Variants in TOX observed in about 807,000 individuals in gnomAD.
TOX encodes the protein thymocyte selection-associated high mobility group box protein TOX.
In TOX, 11 loss-of-function variants were observed where a neutral mutation model predicts 53.7. The ratio of observed to expected loss-of-function variants is 0.20; its 90% CI spans 0.13 to 0.34. TOX has a LOEUF of 0.34. TOX is among the 10% of genes least tolerant of loss of function. The probability of loss-of-function intolerance (pLI) is 1.00; values close to 1 mark genes in which losing one functional copy is unlikely to be tolerated. For synonymous variants in TOX, 225 were observed against 245.3 expected, an observed-to-expected ratio of 0.92 and a Z score of 0.77; for missense variants, 570 against 664.6, an observed-to-expected ratio of 0.86 and a Z score of 1.56.
intron 6 of TOX, 84 bp from the exon 7 acceptor site, chr8:58,815,808 G>T: frequency 1.4e-6 from 2 of 1,453,200 alleles, no homozygotes; most frequent in Non-Finnish European, 1.8e-6. Context: ...GTTTATTAAA[G>T]CACCTTCCCT....
At chr8:59,086,130 T>C (rs1177129634) in intron 1 of TOX, among the ~76,000 whole-genome samples, 1 of 151,698 alleles carries the variant, frequency 6.6e-6, no homozygotes, top group Non-Finnish European at 1.5e-5. Context: ...GGACTACGGG[T>C]GTGCGCCACC....
At chr8:58,816,302 C>A (rs1159411351) in intron 6 of TOX, among the ~76,000 whole-genome samples, 1 of 152,184 alleles carries the variant, frequency 6.6e-6, no homozygotes, top group Non-Finnish European at 1.5e-5. Flanking sequence ...AACTGCAGAA[C>A]TTATCCTGAG....
At chr8:58,881,973 C>A (rs555658408) in intron 3 of TOX, among the ~76,000 whole-genome samples, 2 of 152,158 alleles carry the variant, frequency 1.3e-5, no homozygotes, top group Admixed American at 6.5e-5. Flanking sequence ...TTAGCCTTTG[C>A]GGTAACTTTA....
intron 1 of TOX, among the ~76,000 whole-genome samples, chr8:58,972,651 C>A: frequency 6.6e-6 from 1 of 152,060 alleles, no homozygotes; most frequent in East Asian, 1.9e-4. Context: ...AATTACATAA[C>A]CTAGCTAGAT....
intron 1 of TOX, among the ~76,000 whole-genome samples, chr8:58,999,355 A>G (rs1813646828): frequency 6.6e-6 from 1 of 152,190 alleles, no homozygotes; most frequent in South Asian, 2.1e-4. Flanking sequence ...TTAAAGCACT[A>G]TGACCTGAAA....
At chr8:59,084,314 A>T (rs1804470561) in intron 1 of TOX, among the ~76,000 whole-genome samples, 1 of 152,158 alleles carries the variant, frequency 6.6e-6, no homozygotes, top group African/African-American at 2.4e-5. Context: ...TTAAAAACAA[A>T]GATCCTCTAT....
At chr8:59,062,956 A>T (rs1804014172) in intron 1 of TOX, among the ~76,000 whole-genome samples, 1 of 152,222 alleles carries the variant, frequency 6.6e-6, no homozygotes, top group Non-Finnish European at 1.5e-5. Flanking sequence ...AGGAGGTAAA[A>T]CTGTAAGAAT....
At chr8:58,873,020 A>G (rs73249058) in intron 3 of TOX, among the ~76,000 whole-genome samples, 5,308 of 152,210 alleles carry the variant, frequency 0.035, 235 homozygotes, top group African/African-American at 0.1. Context: ...TCTCTAAAAT[A>G]AAAAACTTAT....
intron 3 of TOX, among the ~76,000 whole-genome samples, chr8:58,879,021 A>T (rs181868013): frequency 1.1e-3 from 171 of 150,144 alleles, no homozygotes; most frequent in Non-Finnish European, 1.0e-3. Flanking sequence ...AGATCATGCC[A>T]CTGCACTCCA....
At chr8:58,834,817 A>G (rs1810520530) in intron 5 of TOX, among the ~76,000 whole-genome samples, 1 of 152,128 alleles carries the variant, frequency 6.6e-6, no homozygotes, top group Admixed American at 6.5e-5. Context: ...TGTGTCCTAC[A>G]CCATACCTTT....
At chr8:59,080,739 C>G (rs528732243) in intron 1 of TOX, among the ~76,000 whole-genome samples, 4 of 152,214 alleles carry the variant, frequency 2.6e-5, no homozygotes, top group Admixed American at 1.3e-4. Flanking sequence ...CCCCCCGACC[C>G]TCTTGTTCCT....
chr8:58,974,000 G>C (rs541173110), intron 1 of TOX, among the ~76,000 whole-genome samples: 127 of 152,182 alleles, frequency 8.3e-4, no homozygotes, highest in African/African-American at 2.8e-3. Context: ...GTTTCACCAT[G>C]TTGACCAGGC....
intron 1 of TOX, among the ~76,000 whole-genome samples, chr8:58,996,890 G>C (rs1359298413): frequency 6.6e-6 from 1 of 152,162 alleles, no homozygotes; most frequent in African/African-American, 2.4e-5. Context: ...GTTATGCAAT[G>C]GTTGCCAAGA....
chr8:58,911,408 ATT>A (rs1382349908), intron 3 of TOX, among the ~76,000 whole-genome samples: 1 of 152,148 alleles, frequency 6.6e-6, no homozygotes, highest in Non-Finnish European at 1.5e-5. Flanking sequence ...ATTCCATACT[ATT>A]TCTTATTGTT....
At chr8:58,944,991 C>T (rs1240011079) in intron 2 of TOX, among the ~76,000 whole-genome samples, 2 of 152,292 alleles carry the variant, frequency 1.3e-5, no homozygotes, top group African/African-American at 4.8e-5. Flanking sequence ...CACCTTTATT[C>T]TAACGGAATT....
At chr8:58,852,479 G>T (rs1456740582) in intron 3 of TOX, among the ~76,000 whole-genome samples, 1 of 152,188 alleles carries the variant, frequency 6.6e-6, no homozygotes, top group Non-Finnish European at 1.5e-5. Context: ...AATCCATTAT[G>T]CTATCTGAGT....
At position 59,117,241 on chromosome 8, in the gene TOX, C is replaced by T. The variant is rs1178918180; in HGVS notation, c.102+1645G>A. Among the ~76,000 whole-genome samples, 2 of 152,162 alleles carry T rather than the reference C, an allele frequency of 1.3e-5. No homozygotes were observed. Among genetic ancestry groups the T allele is most frequent in the South Asian group, 2.1e-4 (1 of 4,834 alleles). On this transcript the variant is annotated intron_variant, in intron 1 of 8. Coordinates refer to ENST00000361421, the MANE Select transcript of TOX (RefSeq NM_014729.3). This position sits in a 1 kb window ranked among gnomAD's most constrained non-coding sequence, Gnocchi z 4.6. The stretch of plus-strand genomic sequence containing the variant: ...TATTGGTGTCATAAGCAAAATAAAA[C>T]GTAACACAATACTTGAGTGTACAGA...
chr8:58,893,215 C>G (rs1029837142), intron 3 of TOX, among the ~76,000 whole-genome samples: 5 of 151,902 alleles, frequency 3.3e-5, no homozygotes, highest in African/African-American at 1.2e-4. Context: ...TAATCTCCCC[C>G]CCACAAAACA....
intron 1 of TOX, among the ~76,000 whole-genome samples, chr8:59,088,421 T>C (rs1162151757): frequency 6.6e-6 from 1 of 152,184 alleles, no homozygotes; most frequent in Non-Finnish European, 1.5e-5. Context: ...CCAAGTGAAA[T>C]GAAAGACACC....
Sources: allele counts gnomAD v4.1 joint callset (sites outside exome capture counted in the v4.1 genomes callset), GRCh38; gene constraint gnomAD v4.1.1; non-coding constraint Gnocchi (gnomAD v3.1); transcripts MANE v1.5; gene names NCBI Gene and HGNC (gene_info 2026-07-23, HGNC 2026-07-21).